KIAA1217: variants seen among roughly 807,000 people sequenced by gnomAD.
KIAA1217 encodes KIAA1217.
Under a neutral mutation model 163.9 loss-of-function variants are expected in KIAA1217, and 88 were observed. That is an observed-to-expected ratio of 0.54 (90% CI 0.45 to 0.64). KIAA1217 has a LOEUF of 0.64. KIAA1217 is among the 30% of genes least tolerant of loss of function. The pLI is 0.00. For missense variants in KIAA1217, 2,372 were observed against 2,475.0 expected (o/e 0.96, Z 0.88); for synonymous variants, 903 against 923.1 (o/e 0.98, Z 0.39).
intron 2 of KIAA1217, among the ~76,000 whole-genome samples, chr10:24,360,094 C>T (rs941162405): frequency 7.3e-5 from 10 of 136,100 alleles, no homozygotes; most frequent in African/African-American, 2.4e-4. Flanking sequence ...TCGCCCAGGC[C>T]GGAGTACAGT....
intron 3 of KIAA1217, among the ~76,000 whole-genome samples, chr10:24,385,003 G>C (rs1466906124): frequency 2.0e-5 from 3 of 152,174 alleles, no homozygotes; most frequent in Non-Finnish European, 2.9e-5. Context: ...CCCCAGCCAC[G>C]GGGCCTGGAG....
chr10:23,975,622 T>C (rs901400666), intron 1 of KIAA1217, among the ~76,000 whole-genome samples: 2 of 152,182 alleles, frequency 1.3e-5, no homozygotes, highest in Admixed American at 6.5e-5. Context: ...GGACTTCCCA[T>C]GTCACATGCT....
chr10:24,190,591 C>T (rs910494919), intron 2 of KIAA1217, among the ~76,000 whole-genome samples: 2 of 152,174 alleles, frequency 1.3e-5, no homozygotes, highest in African/African-American at 2.4e-5. Flanking sequence ...AGAAGTTTCT[C>T]CTACCCACAG....
At chr10:23,783,139 A>T (rs764033595) in intron 1 of KIAA1217, among the ~76,000 whole-genome samples, 1 of 152,196 alleles carries the variant, frequency 6.6e-6, no homozygotes, top group Non-Finnish European at 1.5e-5. Flanking sequence ...AAGAAGGAGA[A>T]TTGCCTTGGG....
intron 9 of KIAA1217, among the ~76,000 whole-genome samples, chr10:24,510,899 G>T (rs1249205212): frequency 6.6e-6 from 1 of 152,058 alleles, no homozygotes; most frequent in Non-Finnish European, 1.5e-5. Context: ...ATTGTTGCCT[G>T]TTCTTATCAA....
chr10:24,511,046 G>A (rs2069055446), intron 9 of KIAA1217, among the ~76,000 whole-genome samples: 1 of 150,564 alleles, frequency 6.6e-6, no homozygotes, highest in Non-Finnish European at 1.5e-5. Flanking sequence ...TGGGAGATGG[G>A]AATAGCAGGT....
In KIAA1217 at chr10:24,433,117, A is replaced by C. The variant is rs1334036269; in HGVS notation, c.676A>C (p.Met226Leu). 1.2e-6 allele frequency: 2 copies of C among 1,614,172 alleles called. No homozygotes were observed. Among genetic ancestry groups the C allele is most frequent in the South Asian group, 2.2e-5 (2 of 91,084 alleles). Residue 226 changes from methionine to leucine, a missense_variant, in exon 4 of 21, where the codon ATG (methionine) becomes CTG (leucine). Physicochemically the swap from Met to Leu is conservative, Grantham distance 15 (BLOSUM62 2). Coordinates refer to ENST00000376454, the MANE Select transcript of KIAA1217 (RefSeq NM_019590.5). Reference protein sequence around the residue: ...SAFPQQLTMKMLESPSVAIYI... With the variant: ...SAFPQQLTMKLLESPSVAIYI... ...CTTTCCACAGCAGCTCACCATGAAAATGCTGGAATCGCCCAGTGTCGCCAT... is the reference window on the plus strand; with the variant it reads ...CTTTCCACAGCAGCTCACCATGAAACTGCTGGAATCGCCCAGTGTCGCCAT...
At chr10:23,807,739 T>A (rs1459300514) in intron 1 of KIAA1217, among the ~76,000 whole-genome samples, 2 of 152,080 alleles carry the variant, frequency 1.3e-5, no homozygotes, top group African/African-American at 4.8e-5. Context: ...AGATTCAAAA[T>A]CAAGAATGGA....
chr10:24,007,017 T>C (rs1847030040), intron 1 of KIAA1217, among the ~76,000 whole-genome samples: 1 of 152,208 alleles, frequency 6.6e-6, no homozygotes, highest in Non-Finnish European at 1.5e-5. Flanking sequence ...GGGAAAATAC[T>C]GGAAAACTGA....
At chr10:23,830,821 T>TACACACACAC (rs139183459) in intron 1 of KIAA1217, among the ~76,000 whole-genome samples, 21 of 147,546 alleles carry the variant, frequency 1.4e-4, no homozygotes, top group African/African-American at 3.0e-4. Context: ...GATATATGTG[T>TACACACACAC]ACACACACAC....
At chr10:24,530,567 G>C (rs1323142907) in intron 14 of KIAA1217, among the ~76,000 whole-genome samples, 2 of 152,120 alleles carry the variant, frequency 1.3e-5, no homozygotes. Context: ...TGAATTTTCT[G>C]ACTACTTGGA....
chr10:23,789,381 TGCAGAATCTGCCATGAACGCAG>T (rs1462389422), intron 1 of KIAA1217, among the ~76,000 whole-genome samples: 1 of 152,198 alleles, frequency 6.6e-6, no homozygotes, highest in African/African-American at 2.4e-5. Flanking sequence ...AGACATATCG[TGCAGAATCTGCCATGAACGCAG>T]GCTCTAGAAT....
intron 12 of KIAA1217, among the ~76,000 whole-genome samples, chr10:24,523,491 T>TA (rs776470057): frequency 4.6e-5 from 7 of 151,602 alleles, no homozygotes; most frequent in African/African-American, 7.3e-5. Flanking sequence ...TTTTTTCAAA[T>TA]AAAAAAAAGT....
intron 5 of KIAA1217, among the ~76,000 whole-genome samples, chr10:24,465,796 G>A (rs1347197602): frequency 1.3e-5 from 2 of 152,198 alleles, no homozygotes; most frequent in Non-Finnish European, 2.9e-5. Flanking sequence ...TGTGCTGACA[G>A]CGGTTGTAGC....
chr10:24,461,982 T>C (rs1197575424), intron 5 of KIAA1217, among the ~76,000 whole-genome samples: 1 of 152,082 alleles, frequency 6.6e-6, no homozygotes, highest in Non-Finnish European at 1.5e-5. Context: ...TTTAATCAGC[T>C]AAGGCTCAGA....
chr10:24,532,969 G>A, intron 15 of KIAA1217, 101 bp from the exon 16 acceptor site: 2 of 999,310 alleles, frequency 2.0e-6, no homozygotes, highest in African/African-American at 1.6e-5. Context: ...TAAGATCTAG[G>A]AAGCAAGTGT....
intron 1 of KIAA1217, among the ~76,000 whole-genome samples, chr10:23,805,593 T>C (rs1836696268): frequency 1.3e-5 from 2 of 151,994 alleles, no homozygotes; most frequent in African/African-American, 4.8e-5. Context: ...AATACCTGGG[T>C]GATAACATAA....
intron 1 of KIAA1217, among the ~76,000 whole-genome samples, chr10:23,866,794 G>C (rs11013762): frequency 0.18 from 26,681 of 151,832 alleles, 2,474 homozygotes; most frequent in Middle Eastern, 0.21. Context: ...ATACATTATA[G>C]AGCTCTTCTC....
intron 1 of KIAA1217, among the ~76,000 whole-genome samples, chr10:23,824,664 T>A (rs1240418872): frequency 1.6e-5 from 2 of 125,420 alleles, no homozygotes; most frequent in Admixed American, 8.7e-5. Context: ...AAAAAATATA[T>A]ATATATATAT....
Sources: allele counts gnomAD v4.1 joint callset (sites outside exome capture counted in the v4.1 genomes callset), GRCh38; gene constraint gnomAD v4.1.1; transcripts MANE v1.5; gene names NCBI Gene and HGNC (gene_info 2026-07-23, HGNC 2026-07-21).